GHR: variants seen among roughly 807,000 people sequenced by gnomAD.
GHR encodes GH receptor.
A neutral mutation model predicts 67.1 loss-of-function variants in GHR; 35 were observed. The ratio of observed to expected loss-of-function variants is 0.52; its 90% CI spans 0.40 to 0.69. The LOEUF is 0.69. Among genes scored for constraint, GHR ranks in the 30% least tolerant of loss-of-function variants. The pLI is 0.00. For synonymous variants in GHR, 272 were observed against 269.1 expected, an observed-to-expected ratio of 1.01 and a Z score of -0.10; for missense variants, 792 against 764.6, an observed-to-expected ratio of 1.04 and a Z score of -0.42.
At chr5:42,517,300 CAA>C (rs1219638406) in intron 1 of GHR, among the ~76,000 whole-genome samples, 1 of 152,106 alleles carries the variant, frequency 6.6e-6, no homozygotes, top group Non-Finnish European at 1.5e-5. Flanking sequence ...TGAGCTTTAT[CAA>C]AACAGTAACT....
intron 2 of GHR, among the ~76,000 whole-genome samples, chr5:42,626,043 A>T (rs1432248049): frequency 3.9e-5 from 6 of 152,130 alleles, no homozygotes; most frequent in African/African-American, 7.2e-5. Flanking sequence ...GTAGGGCATG[A>T]CTCCCCAGAA....
intron 3 of GHR, among the ~76,000 whole-genome samples, chr5:42,681,439 G>A (rs969007399): frequency 1.2e-4 from 18 of 151,930 alleles, no homozygotes; most frequent in South Asian, 4.2e-4. Context: ...AATGGCGATC[G>A]TTAAAAAGTC....
At chr5:42,678,331 T>C (rs747279604) in intron 3 of GHR, among the ~76,000 whole-genome samples, 1 of 152,196 alleles carries the variant, frequency 6.6e-6, no homozygotes, top group Non-Finnish European at 1.5e-5. Flanking sequence ...TTTTAATAAA[T>C]AATGTCATTC....
At chr5:42,545,418 C>T (rs1748693911) in intron 1 of GHR, among the ~76,000 whole-genome samples, 1 of 152,000 alleles carries the variant, frequency 6.6e-6, no homozygotes, top group South Asian at 2.1e-4. Flanking sequence ...TTTCGGTTTT[C>T]TTTAGATATT....
At chr5:42,644,048 T>A (rs1209556826) in intron 3 of GHR, among the ~76,000 whole-genome samples, 1 of 152,100 alleles carries the variant, frequency 6.6e-6, no homozygotes, top group African/African-American at 2.4e-5. Context: ...AATGGTAGGA[T>A]TAGAAAAATC....
intron 5 of GHR, among the ~76,000 whole-genome samples, chr5:42,698,464 A>T (rs1289998612): frequency 2.6e-5 from 4 of 152,352 alleles, no homozygotes; most frequent in Non-Finnish European, 5.9e-5. Context: ...TATTGCCATT[A>T]TATCGGCATA....
At chr5:42,612,512 G>A (rs887544387) in intron 2 of GHR, among the ~76,000 whole-genome samples, 2 of 152,052 alleles carry the variant, frequency 1.3e-5, no homozygotes, top group Non-Finnish European at 2.9e-5. Flanking sequence ...AAACTAGCAT[G>A]TGGGTTGAGA....
At chr5:42,510,869 T>C (rs1218280970) in intron 1 of GHR, among the ~76,000 whole-genome samples, 1 of 152,210 alleles carries the variant, frequency 6.6e-6, no homozygotes, top group Non-Finnish European at 1.5e-5. Flanking sequence ...GTGCAGGCGC[T>C]CATCTTTAAT....
chr5:42,433,185 G>T (rs1489041506), intron 1 of GHR, among the ~76,000 whole-genome samples: 1 of 151,892 alleles, frequency 6.6e-6, no homozygotes, highest in Non-Finnish European at 1.5e-5. Context: ...TATCTACTTT[G>T]CCAGATCTTA....
At chr5:42,469,193 T>C (rs987427822) in intron 1 of GHR, among the ~76,000 whole-genome samples, 4 of 152,202 alleles carry the variant, frequency 2.6e-5, no homozygotes, top group African/African-American at 9.7e-5. Context: ...ACAAACTGCA[T>C]TCTCTCACTG....
chr5:42,571,700 C>T (rs151164927), intron 2 of GHR, among the ~76,000 whole-genome samples: 1 of 152,200 alleles, frequency 6.6e-6, no homozygotes, highest in Non-Finnish European at 1.5e-5. Context: ...TAAATTCACA[C>T]ATGCCAGTGA....
At chr5:42,524,706 G>A (rs530413638) in intron 1 of GHR, among the ~76,000 whole-genome samples, 1 of 152,270 alleles carries the variant, frequency 6.6e-6, no homozygotes, top group East Asian at 1.9e-4. Context: ...AGACCCAGAG[G>A]CCCAGGAGGA....
chr5:42,718,878 A>G lies in GHR; in HGVS notation c.1371A>G (p.Gln457=). Reference sequence around the variant, plus strand: ...TCCAAGCAGAGAAAAACAAACCACAACCACTTCCTACTGAAGGAGCTGAGT... The same window carrying G: ...TCCAAGCAGAGAAAAACAAACCACAGCCACTTCCTACTGAAGGAGCTGAGT... ...SVIQAEKNKP[Q]PLPTEGAEST... is the part of the protein sequence containing the mutation. Residue 457 remains glutamine (Q), a synonymous_variant, in exon 10 of 10, where the codon CAA becomes CAG. Transcript: ENST00000230882. The G allele has an allele frequency of 1.2e-6, 2 of 1,613,962 alleles. No individual in the cohort carries two copies. Among genetic ancestry groups the G allele is most frequent in the Non-Finnish European group, 1.7e-6 (2 of 1,179,968 alleles).
At chr5:42,527,636 G>T (rs1286490338) in intron 1 of GHR, among the ~76,000 whole-genome samples, 2 of 152,100 alleles carry the variant, frequency 1.3e-5, no homozygotes, top group Non-Finnish European at 2.9e-5. Context: ...TCCACTGACA[G>T]TATTAGATCA....
intron 3 of GHR, among the ~76,000 whole-genome samples, chr5:42,638,243 C>T (rs551322272): frequency 6.6e-6 from 1 of 152,014 alleles, no homozygotes; most frequent in African/African-American, 2.4e-5. Flanking sequence ...TTTTAAGGAA[C>T]TAATCATCAA....
At chr5:42,602,069 G>A (rs1047898030) in intron 2 of GHR, among the ~76,000 whole-genome samples, 5 of 151,850 alleles carry the variant, frequency 3.3e-5, no homozygotes, top group African/African-American at 7.3e-5. Flanking sequence ...AGTTTTTGTT[G>A]CATATATTTA....
intron 2 of GHR, among the ~76,000 whole-genome samples, chr5:42,576,023 C>T (rs2112525290): frequency 9.4e-6 from 1 of 106,462 alleles, no homozygotes; most frequent in Admixed American, 1.0e-4. Flanking sequence ...AACAGAGCAA[C>T]ACTCTGTCTC....
At chr5:42,653,128 TG>T (rs1186065675) in intron 3 of GHR, among the ~76,000 whole-genome samples, 3 of 152,152 alleles carry the variant, frequency 2.0e-5, no homozygotes, top group Non-Finnish European at 4.4e-5. Context: ...CAATAAACAT[TG>T]GCTCTTGTTA....
At chr5:42,617,685 T>C (rs1432457849) in intron 2 of GHR, among the ~76,000 whole-genome samples, 1 of 152,152 alleles carries the variant, frequency 6.6e-6, no homozygotes, top group African/African-American at 2.4e-5. Flanking sequence ...GTCCTTGTTC[T>C]GCCAAAAAGC....
Sources: gnomAD v4.1 joint callset for allele counts (sites outside exome capture counted in the v4.1 genomes callset) on GRCh38, gnomAD v4.1.1 for gene constraint, MANE v1.5 for transcripts, NCBI Gene and HGNC (gene_info 2026-07-23, HGNC 2026-07-21) for gene names.